The following TASP1 variants were observed in gnomAD, a reference collection of about 807,000 sequenced individuals.
TASP1 encodes taspase 1, also known as threonine aspartase 1.
A neutral mutation model predicts 56.6 loss-of-function variants in TASP1; 16 were observed. That is an observed-to-expected ratio of 0.28 (90% CI 0.19 to 0.43). The LOEUF is 0.43. Among genes scored for constraint, TASP1 ranks in the 20% least tolerant of loss-of-function variants. TASP1 has a pLI of 1.00. For missense variants in TASP1, 393 were observed against 511.6 expected (o/e 0.77, Z 2.24); for synonymous variants, 179 against 184.2 (o/e 0.97, Z 0.23).
intron 11 of TASP1, among the ~76,000 whole-genome samples, chr20:13,480,514 G>A (rs2043101531): frequency 6.6e-6 from 1 of 152,152 alleles, no homozygotes; most frequent in East Asian, 1.9e-4. Context: ...CTTTCCACGA[G>A]TCTGGAATTT....
At chr20:13,513,919 G>A (rs1185683069) in intron 10 of TASP1, among the ~76,000 whole-genome samples, 1 of 152,036 alleles carries the variant, frequency 6.6e-6, no homozygotes, top group African/African-American at 2.4e-5. Flanking sequence ...ACAAAGGAGG[G>A]TATGTAAAAC....
At chr20:13,220,254 A>AG in the TASP1 span, among the ~76,000 whole-genome samples, 1 of 152,166 alleles carries the variant, frequency 6.6e-6, no homozygotes, top group Non-Finnish European at 1.5e-5. Flanking sequence ...GTAAGGCGGG[A>AG]GCCCGAGCAA....
At chr20:13,276,877 A>G in the TASP1 span, among the ~76,000 whole-genome samples, 8,253 of 152,292 alleles carry the variant, frequency 0.054, 270 homozygotes, top group Admixed American at 0.087. Flanking sequence ...CAGGCTCAAG[A>G]TTAGATTTCT....
chr20:13,441,113 T>C (rs572952975), intron 11 of TASP1, among the ~76,000 whole-genome samples: 7 of 152,246 alleles, frequency 4.6e-5, no homozygotes, highest in South Asian at 2.1e-4. Flanking sequence ...AATCTGTTAG[T>C]TCTCCCTATT....
the TASP1 span, among the ~76,000 whole-genome samples, chr20:13,128,535 C>T: frequency 6.6e-6 from 1 of 152,122 alleles, no homozygotes; most frequent in Non-Finnish European, 1.5e-5. Flanking sequence ...GAGGGTCAGC[C>T]TAGAGGTGAC....
intron 4 of TASP1, among the ~76,000 whole-genome samples, chr20:13,609,814 A>T (rs1205789847): frequency 6.6e-6 from 1 of 152,210 alleles, no homozygotes; most frequent in Non-Finnish European, 1.5e-5. Flanking sequence ...GAGTATTCAT[A>T]GCAACACTAT....
chr20:13,526,101 A>T (rs1339216895), intron 10 of TASP1, among the ~76,000 whole-genome samples: 2 of 152,300 alleles, frequency 1.3e-5, no homozygotes, highest in Non-Finnish European at 2.9e-5. Flanking sequence ...AATCAAATCC[A>T]TGGAGTATGT....
the TASP1 span, among the ~76,000 whole-genome samples, chr20:13,223,415 A>G: frequency 0.46 from 69,528 of 152,036 alleles, 18,286 homozygotes; most frequent in African/African-American, 0.74. Flanking sequence ...ATAATCTTAC[A>G]AGACATGGTA....
At chr20:13,580,277 T>C (rs2047073720) in intron 6 of TASP1, among the ~76,000 whole-genome samples, 1 of 151,998 alleles carries the variant, frequency 6.6e-6, no homozygotes, top group African/African-American at 2.4e-5. Context: ...CAAGACCCCA[T>C]CTCTACAAAA....
At chr20:13,480,247 T>G (rs2043090026) in intron 11 of TASP1, among the ~76,000 whole-genome samples, 1 of 152,218 alleles carries the variant, frequency 6.6e-6, no homozygotes, top group Non-Finnish European at 1.5e-5. Context: ...ATAAAACTGC[T>G]GAAGCAACTT....
chr20:13,470,723 G>A (rs536819892), intron 11 of TASP1, among the ~76,000 whole-genome samples: 1 of 152,254 alleles, frequency 6.6e-6, no homozygotes, highest in African/African-American at 2.4e-5. Context: ...ATGATTTGGA[G>A]TCTAAACCAT....
chr20:13,451,898 A>G (rs1215302420), intron 11 of TASP1, among the ~76,000 whole-genome samples: 1 of 152,008 alleles, frequency 6.6e-6, no homozygotes, highest in East Asian at 1.9e-4. Flanking sequence ...GAGATTTGCA[A>G]CTCTTCAATT....
the TASP1 span, among the ~76,000 whole-genome samples, chr20:13,187,497 C>A: frequency 6.6e-6 from 1 of 151,794 alleles, no homozygotes; most frequent in African/African-American, 2.4e-5. Context: ...CTTCCATAAT[C>A]CCAGCACTTT....
At position 13,390,519 on chromosome 20, in the gene TASP1, G is replaced by A. The variant is rs993101503; in HGVS notation, c.1171-67C>T. 39 of 1,449,170 alleles carry A rather than the reference G, an allele frequency of 2.7e-5. No homozygotes were observed. The Middle Eastern group carries it at 5.2e-4, about 19-fold the overall frequency. 89.8% of individuals were successfully genotyped at this position (1,449,170 alleles called of 1,614,324 possible). ...GGTGTCCCTTGCCACACCCCTACCC[G>A]TGTCCAAAAAAGGTGGAGGAAACAC... On this transcript the variant is annotated intron_variant, in intron 13 of 13. Coordinates refer to ENST00000337743, the MANE Select transcript of TASP1 (RefSeq NM_017714.3).
chr20:13,514,241 T>A (rs548246020), intron 10 of TASP1, among the ~76,000 whole-genome samples: 1 of 152,224 alleles, frequency 6.6e-6, no homozygotes, highest in South Asian at 2.1e-4. Context: ...TAGTAAACAG[T>A]GATCATTATG....
chr20:13,440,485 T>C (rs1430912402), intron 11 of TASP1, among the ~76,000 whole-genome samples: 1 of 152,098 alleles, frequency 6.6e-6, no homozygotes, highest in Admixed American at 6.5e-5. Flanking sequence ...AAAAATAAAC[T>C]GACTGAATAC....
the TASP1 span, among the ~76,000 whole-genome samples, chr20:13,142,641 G>A: frequency 5.3e-5 from 8 of 152,282 alleles, no homozygotes; most frequent in African/African-American, 1.7e-4. Context: ...TCAGGAGTCT[G>A]GGCACAGTGT....
chr20:13,509,256 A>G (rs1352713560), intron 10 of TASP1, among the ~76,000 whole-genome samples: 1 of 152,108 alleles, frequency 6.6e-6, no homozygotes, highest in Non-Finnish European at 1.5e-5. Context: ...CCAAACAAAA[A>G]AAGACAACTA....
intron 13 of TASP1, among the ~76,000 whole-genome samples, chr20:13,416,802 GGCTCAACCATCATGA>G (rs1223455899): frequency 2.0e-5 from 3 of 152,142 alleles, no homozygotes; most frequent in Non-Finnish European, 4.4e-5. Flanking sequence ...CTTATTCCCA[GGCTCAACCATCATGA>G]GTCCAGGGAA....
Sources: gnomAD v4.1 joint callset for allele counts (sites outside exome capture counted in the v4.1 genomes callset) on GRCh38, gnomAD v4.1.1 for gene constraint, MANE v1.5 for transcripts, NCBI Gene and HGNC (gene_info 2026-07-23, HGNC 2026-07-21) for gene names.